The following LAMA4 variants were observed in gnomAD, a reference collection of about 807,000 sequenced individuals.
The protein encoded by LAMA4 is laminin subunit alpha 4, also known as laminin subunit alpha-4.
Under a neutral mutation model 207.1 loss-of-function variants are expected in LAMA4, and 127 were observed. The ratio of observed to expected loss-of-function variants is 0.61; its 90% confidence interval spans 0.53 to 0.71. The LOEUF is 0.71. Among genes scored for constraint, LAMA4 ranks in the 30% least tolerant of loss-of-function variants. LAMA4 has a pLI of 0.00. For missense variants in LAMA4, 2,093 were observed against 2,246.5 expected, an observed-to-expected ratio of 0.93 and a Z score of 1.38; for synonymous variants, 761 against 816.0, an observed-to-expected ratio of 0.93 and a Z score of 1.15.
At chr6:112,155,241 TG>T (rs1278090143) in intron 15 of LAMA4, 2 of 562,750 alleles carry the variant, frequency 3.6e-6, no homozygotes, top group Non-Finnish European at 6.3e-6. Flanking sequence ...AATTTTGAGT[TG>T]AAAAAAATAT....
Position 112,144,949 on chromosome 6 carries a change from A to C in LAMA4, c.2354-16T>G, listed in dbSNP as rs782699311. On this transcript the variant is annotated splice_polypyrimidine_tract_variant and intron_variant, in intron 18 of 38. Transcript: ENST00000230538. ...AGATTTCTTACTGCAGTTAATAAAA[A>C]TTAATCATTTAAGAAAATAACTCAA... The C allele has an allele frequency of 6.9e-6, 11 of 1,605,274 alleles. No homozygotes were observed. The South Asian group carries it at 9.9e-5, about 14-fold the overall frequency.
chr6:112,211,585 A>G (rs1554356679), intron 3 of LAMA4, among the ~76,000 whole-genome samples: 1 of 152,200 alleles, frequency 6.6e-6, no homozygotes. Flanking sequence ...TGTGAAGGCT[A>G]TGTCTGAGGT....
At position 112,150,234 on chromosome 6, in the gene LAMA4, CAG is replaced by C. The variant is rs1338218002; in HGVS notation, c.2173+275_2173+276del. 0.014 allele frequency among the ~76,000 whole-genome samples: 2,079 copies of C among 144,878 alleles called. 30 individuals are homozygous for C. Among genetic ancestry groups the C allele is most frequent in the African/African-American group, 0.05 (1,779 of 35,682 alleles). ...ACACACACACACACACACACACACA[CAG>C]ACACACACAGACACACACACACAGA... On this transcript the variant is annotated intron_variant, in intron 17 of 38. Transcript: ENST00000230538.
Position 112,191,614 on chromosome 6 carries a change from C to A in LAMA4, c.718+22G>T, listed in dbSNP as rs782536563. Reference sequence around the variant, plus strand: ...AGGGTCATGCTGGCCAGGCAGCTGGCTTAGTATTTATGATACTGCACCTGC... The same window carrying A: ...AGGGTCATGCTGGCCAGGCAGCTGGATTAGTATTTATGATACTGCACCTGC... On this transcript the variant is annotated intron_variant, in intron 6 of 38. Transcript: ENST00000230538. The A allele has an allele frequency of 3.0e-5, 47 of 1,569,334 alleles. 1 individual carries two copies. In the South Asian group the frequency reaches 4.9e-4, roughly 16 times the overall value.
intron 2 of LAMA4, among the ~76,000 whole-genome samples, chr6:112,247,010 C>T (rs536930624): frequency 1.3e-4 from 20 of 151,944 alleles, no homozygotes; most frequent in Non-Finnish European, 2.8e-4. Flanking sequence ...TAAAAGTACT[C>T]GAATTTATGG....
chr6:112,231,944 T>G (rs1554364566), intron 2 of LAMA4, among the ~76,000 whole-genome samples: 1 of 152,108 alleles, frequency 6.6e-6, no homozygotes, highest in Non-Finnish European at 1.5e-5. Context: ...GTTTTATGAG[T>G]CAAATTTTAT....
chr6:112,183,556 A>G (rs959010216), intron 9 of LAMA4, among the ~76,000 whole-genome samples: 1 of 152,180 alleles, frequency 6.6e-6, no homozygotes, highest in South Asian at 2.1e-4. Context: ...GAAGTGGGGA[A>G]ATTGTACAAC....
Position 112,243,959 on chromosome 6 carries a change from GA to G in LAMA4, c.195+9996del, listed in dbSNP as rs533276054. Among the ~76,000 whole-genome samples the G allele has an allele frequency of 8.5e-5, 13 of 152,320 alleles. No individual in the cohort carries two copies. In the South Asian group the frequency reaches 2.1e-3, roughly 24 times the overall value. ...TGTAATCCCTGCTATTCAGGAGGCT[GA>G]GGCAGGAGAATCACTTGAACCTGGG... On this transcript the variant is annotated intron_variant, in intron 2 of 38. Transcript: ENST00000230538.
intron 3 of LAMA4, among the ~76,000 whole-genome samples, chr6:112,209,991 G>A (rs1313093769): frequency 6.6e-6 from 1 of 151,874 alleles, no homozygotes; most frequent in Non-Finnish European, 1.5e-5. Flanking sequence ...GTTTGAAAGT[G>A]TGTAGCACCT....
At chr6:112,218,560 C>T (rs1784758707) in intron 2 of LAMA4, 1 of 152,200 alleles carries the variant, frequency 6.6e-6, no homozygotes, top group South Asian at 2.1e-4. Flanking sequence ...CTGCTCTCTC[C>T]TAAGGGTGGA....
intron 2 of LAMA4, chr6:112,234,175 A>G (rs887207669): frequency 2.6e-5 from 4 of 151,948 alleles, no homozygotes; most frequent in African/African-American, 9.7e-5. Context: ...TTTATTTTTC[A>G]TTCTGCCGTT....
At chr6:112,225,912 T>C (rs1785182374) in intron 2 of LAMA4, among the ~76,000 whole-genome samples, 1 of 152,224 alleles carries the variant, frequency 6.6e-6, no homozygotes, top group African/African-American at 2.4e-5. Flanking sequence ...GACTGAGTTT[T>C]AGTAAGTTTT....
At chr6:112,129,542 A>T (rs1309893201) in intron 30 of LAMA4, among the ~76,000 whole-genome samples, 1 of 152,168 alleles carries the variant, frequency 6.6e-6, no homozygotes, top group Non-Finnish European at 1.5e-5. Context: ...TCTAATATTT[A>T]TAGCTTGCTG....
At chr6:112,111,283 A>G (rs1777679179) in intron 38 of LAMA4, among the ~76,000 whole-genome samples, 1 of 152,154 alleles carries the variant, frequency 6.6e-6, no homozygotes, top group Non-Finnish European at 1.5e-5. Flanking sequence ...AGCTCAAGTG[A>G]TCCACCCACC....
chr6:112,140,876 T>C lies in LAMA4; in HGVS notation c.2860A>G (p.Ser954Gly), dbSNP rs1779650569. The C allele has an allele frequency of 6.8e-6, 11 of 1,613,986 alleles. No homozygotes were observed. Among genetic ancestry groups the C allele is most frequent in the Non-Finnish European group, 8.5e-6 (10 of 1,179,844 alleles). ...TTAATGAACTTTTCCTCTGCTGTGC[T>C]ACTTAGACTCGGGACTGTTAAAAAC... ...KVFLTVPSLS[S>G]TAEEKFIKKG... The change falls in exon 22 of 39, where the codon AGC (serine) becomes GGC (glycine). Residue 954 changes from serine to glycine, a missense_variant. By Grantham distance (56) the Ser-to-Gly change is moderately conservative. This residue lies in a region of LAMA4 where 1,704 missense variants were observed against 1,788.4 expected (regional missense o/e 0.95). Coordinates refer to ENST00000230538, the MANE Select transcript of LAMA4 (RefSeq NM_001105206.3).
At position 112,139,113 on chromosome 6, in the gene LAMA4, T is replaced by G. The variant is rs782506211; in HGVS notation, c.3282+7A>C. ...GGAGAAGTAGTAGGACTTGTATTTTTACTCACTCCATTGACCATCAGGAGA... is the reference window on the plus strand; with the variant it reads ...GGAGAAGTAGTAGGACTTGTATTTTGACTCACTCCATTGACCATCAGGAGA... On this transcript the variant is annotated splice_region_variant and intron_variant, in intron 24 of 38. Coordinates refer to ENST00000230538, the MANE Select transcript of LAMA4 (RefSeq NM_001105206.3). The G allele has an allele frequency of 1.3e-5, 21 of 1,613,400 alleles. No homozygotes were observed. Among genetic ancestry groups the G allele is most frequent in the Non-Finnish European group, 1.5e-5 (18 of 1,179,320 alleles).
rs781823000 is a variant in LAMA4 at position 112,183,286 on chromosome 6, C to T, written c.1077+1951G>A. 4.1e-4 allele frequency among the ~76,000 whole-genome samples: 63 copies of T among 152,176 alleles called. 1 individual carries two copies. The highest frequency in any genetic ancestry group is 1.5e-4 in the Non-Finnish European group (10 of 68,024). On this transcript the variant is annotated intron_variant, in intron 9 of 38. Transcript: ENST00000230538. ...TTCTAGAGCAAGGGCTTGAAGAATG[C>T]TTAAAAAGTCATTAAGACCAGCCCT...
intron 16 of LAMA4, among the ~76,000 whole-genome samples, chr6:112,151,660 C>G (rs949372260): frequency 1.3e-5 from 2 of 152,096 alleles, no homozygotes; most frequent in South Asian, 2.1e-4. Context: ...AAGTTAATTT[C>G]CCAATGTCGT....
intron 32 of LAMA4, among the ~76,000 whole-genome samples, chr6:112,121,083 A>G (rs1778329364): frequency 6.6e-6 from 1 of 152,170 alleles, no homozygotes; most frequent in African/African-American, 2.4e-5. Flanking sequence ...GTCTCAAAAA[A>G]AAAAAGGCTG....
Sources: allele counts gnomAD v4.1 joint callset (sites outside exome capture counted in the v4.1 genomes callset), GRCh38; gene constraint gnomAD v4.1.1; regional missense constraint gnomAD v4.1.1; transcripts MANE v1.5; gene names NCBI Gene and HGNC (gene_info 2026-07-23, HGNC 2026-07-21).